The following MEI4 variants were observed in gnomAD, a reference collection of about 807,000 sequenced individuals.
MEI4 encodes meiotic double-stranded break formation protein 4.
In MEI4, 27 loss-of-function variants were observed where a neutral mutation model predicts 31.4. That is an observed-to-expected ratio of 0.86 (90% CI 0.63 to 1.19). The LOEUF is 1.19. Ranked by LOEUF, MEI4 falls within the 50% of genes most tolerant of loss-of-function variation. MEI4 has a pLI of 0.00. For missense variants in MEI4, 329 were observed against 398.9 expected (o/e 0.82, Z 1.49); for synonymous variants, 122 against 145.4 (o/e 0.84, Z 1.16).
chr6:77,662,880 AT>A, intron 1 of MEI4, among the ~76,000 whole-genome samples: 2 of 152,318 alleles, frequency 1.3e-5, no homozygotes, highest in Middle Eastern at 6.8e-3. Flanking sequence ...TGAGGAAGAA[AT>A]TTGGGCTTGA....
intron 2 of MEI4, among the ~76,000 whole-genome samples, chr6:77,726,442 G>A (rs1484611316): frequency 2.6e-5 from 4 of 152,112 alleles, no homozygotes; most frequent in South Asian, 4.1e-4. Flanking sequence ...AGAAAACTGC[G>A]GGCATGTGGT....
intron 3 of MEI4, among the ~76,000 whole-genome samples, chr6:77,809,654 A>G (rs1769526043): frequency 6.6e-6 from 1 of 152,188 alleles, no homozygotes; most frequent in South Asian, 2.1e-4. Flanking sequence ...TCTGGTGGAA[A>G]ATAGAATGAG....
At chr6:77,700,112 T>G (rs924863093) in intron 2 of MEI4, among the ~76,000 whole-genome samples, 10 of 152,318 alleles carry the variant, frequency 6.6e-5, no homozygotes, top group African/African-American at 2.4e-4. Context: ...ACCACTACTC[T>G]CTTCAAAGTT....
At chr6:77,755,392 A>G (rs2127679951) in intron 2 of MEI4, among the ~76,000 whole-genome samples, 1 of 152,204 alleles carries the variant, frequency 6.6e-6, no homozygotes, top group African/African-American at 2.4e-5. Context: ...AGAATATTGT[A>G]GATGAACTCT....
intron 1 of MEI4, among the ~76,000 whole-genome samples, chr6:77,660,923 G>A (rs976855689): frequency 1.3e-5 from 2 of 152,122 alleles, no homozygotes; most frequent in African/African-American, 4.8e-5. Flanking sequence ...TCCAGCTAGG[G>A]TGTCTTCGTA....
intron 4 of MEI4, among the ~76,000 whole-genome samples, chr6:77,902,941 A>G (rs1240812772): frequency 6.6e-6 from 1 of 152,116 alleles, no homozygotes; most frequent in Non-Finnish European, 1.5e-5. Flanking sequence ...TCACGGATGC[A>G]TGTGCTCAAA....
chr6:77,664,042 C>T (rs1472767234), intron 1 of MEI4, among the ~76,000 whole-genome samples: 1 of 152,198 alleles, frequency 6.6e-6, no homozygotes, highest in South Asian at 2.1e-4. Flanking sequence ...GGAGGAGGTT[C>T]TGGAGGAACG....
chr6:77,851,686 G>A lies in MEI4; in HGVS notation c.900+22624G>A, dbSNP rs187026364. ...ATTAGGAGATATACCTAATGTAAATGACGAATTAATGGATGCGGCACACCA... is the reference window on the plus strand; with the variant it reads ...ATTAGGAGATATACCTAATGTAAATAACGAATTAATGGATGCGGCACACCA... On this transcript the variant is annotated intron_variant, in intron 4 of 4. Coordinates refer to ENST00000684080, the MANE Select transcript of MEI4 (RefSeq NM_001322247.2). 2.6e-5 allele frequency among the ~76,000 whole-genome samples: 4 copies of A among 151,698 alleles called. No homozygotes were observed. The East Asian group carries it at 7.8e-4, about 30-fold the overall frequency.
rs889658682 is a variant in MEI4, at chr6:77,732,103, C to T, written c.233-29027C>T. Among the ~76,000 whole-genome samples, 204 of 150,960 alleles carry T rather than the reference C, an allele frequency of 1.4e-3. 3 individuals are homozygous for T. The highest frequency in any genetic ancestry group is 4.3e-3 in the African/African-American group (174 of 40,670). On this transcript the variant is annotated intron_variant, in intron 2 of 4. Coordinates refer to ENST00000684080, the MANE Select transcript of MEI4 (RefSeq NM_001322247.2). The stretch of plus-strand genomic sequence containing the variant: ...TTCTTTTGACTTAGGATTGACTTGG[C>T]GATGCGGGCTCTTTTTTGGTTCCAT...
chr6:77,701,758 T>C lies in MEI4; in HGVS notation c.232+10855T>C, dbSNP rs542936036. The stretch of plus-strand genomic sequence containing the variant: ...GAAAAAATCAAACTAAATTAATTCA[T>C]TGATGTACATGTTTATTTAGTAAAT... On this transcript the variant is annotated intron_variant, in intron 2 of 4. Coordinates refer to ENST00000684080, the MANE Select transcript of MEI4 (RefSeq NM_001322247.2). Among the ~76,000 whole-genome samples the C allele has an allele frequency of 5.7e-4, 86 of 152,160 alleles. 1 individual carries two copies. The highest frequency in any genetic ancestry group is 2.4e-4 in the Non-Finnish European group (16 of 67,998).
intron 2 of MEI4, among the ~76,000 whole-genome samples, chr6:77,736,916 G>C (rs1012713402): frequency 6.6e-6 from 1 of 151,136 alleles, no homozygotes; most frequent in Non-Finnish European, 1.5e-5. Context: ...GATTTAGAGA[G>C]CTATGGGTAC....
At chr6:77,889,055 T>C (rs952824558) in intron 4 of MEI4, among the ~76,000 whole-genome samples, 1 of 152,158 alleles carries the variant, frequency 6.6e-6, no homozygotes, top group African/African-American at 2.4e-5. Flanking sequence ...ACTTCTCCTT[T>C]ATAAATTACT....
At chr6:77,700,722 C>T (rs141892181) in intron 2 of MEI4, among the ~76,000 whole-genome samples, 2,535 of 152,234 alleles carry the variant, frequency 0.017, 32 homozygotes, top group Non-Finnish European at 0.024. Context: ...TGTTCCTATT[C>T]GGCCATCTTG....
At chr6:77,787,103 G>T (rs1269266709) in intron 3 of MEI4, among the ~76,000 whole-genome samples, 1 of 152,086 alleles carries the variant, frequency 6.6e-6, no homozygotes, top group Admixed American at 6.6e-5. Flanking sequence ...CTTGGAGGTA[G>T]ACACATTGTG....
In MEI4 at chr6:77,923,396, T is replaced by C; in HGVS notation, c.*50T>C. ...GTTTGAAGCATAATAAAGTAGAATA[T>C]ATGAAAATCTCATACTGAAAAGATT... On this transcript the variant is annotated 3_prime_UTR_variant, in exon 5 of 5. Coordinates refer to ENST00000684080, the MANE Select transcript of MEI4 (RefSeq NM_001322247.2). 1 of 1,201,342 alleles carries C rather than the reference T, an allele frequency of 8.3e-7. No homozygotes were observed. Among genetic ancestry groups the C allele is most frequent in the Non-Finnish European group, 1.0e-6 (1 of 960,928 alleles). The allele number at this position is 1,201,342 out of a possible 1,614,324, so 74.4% of individuals were successfully genotyped here.
At chr6:77,839,685 C>T (rs908745610) in intron 4 of MEI4, among the ~76,000 whole-genome samples, 6 of 152,248 alleles carry the variant, frequency 3.9e-5, no homozygotes, top group Non-Finnish European at 5.9e-5. Context: ...AGAATTTGTA[C>T]GCTGAACCTA....
intron 3 of MEI4, among the ~76,000 whole-genome samples, chr6:77,802,618 C>T (rs1222133323): frequency 1.3e-5 from 2 of 152,142 alleles, no homozygotes; most frequent in Admixed American, 6.5e-5. Flanking sequence ...CCAGTTGTTC[C>T]TTTCCATGTG....
rs568494879 is a variant in MEI4, at chr6:77,745,558, C to T, written c.233-15572C>T. On this transcript the variant is annotated intron_variant, in intron 2 of 4. Coordinates refer to ENST00000684080, the MANE Select transcript of MEI4 (RefSeq NM_001322247.2). ...ACCCCACTGTCAACATTAGACAGAT[C>T]AGTGAGACAGAAAGTTAACAAGGAT... 3.9e-5 allele frequency among the ~76,000 whole-genome samples: 6 copies of T among 152,266 alleles called. 1 individual carries two copies. The South Asian group carries it at 1.2e-3, about 32-fold the overall frequency.
intron 3 of MEI4, among the ~76,000 whole-genome samples, chr6:77,788,706 A>G (rs1406623037): frequency 1.3e-5 from 2 of 152,158 alleles, no homozygotes; most frequent in African/African-American, 2.4e-5. Context: ...GGTATGTGAA[A>G]GACCTCTTCA....
Sources: allele counts gnomAD v4.1 joint callset (sites outside exome capture counted in the v4.1 genomes callset), GRCh38; gene constraint gnomAD v4.1.1; transcripts MANE v1.5; gene names NCBI Gene and HGNC (gene_info 2026-07-23, HGNC 2026-07-21).